Variants in SPTBN4 observed in about 807,000 individuals in gnomAD.
SPTBN4 encodes spectrin beta chain, non-erythrocytic 4.
In SPTBN4, 96 loss-of-function variants were observed where a neutral mutation model predicts 277.8. That is an observed-to-expected ratio of 0.35 (90% CI 0.29 to 0.41). SPTBN4 has a LOEUF of 0.41. SPTBN4 is among the 10% of genes least tolerant of loss of function. SPTBN4 has a pLI of 1.00. For missense variants in SPTBN4, 3,006 were observed against 3,595.7 expected (o/e 0.84, Z 4.19); for synonymous variants, 1,481 against 1,580.3 (o/e 0.94, Z 1.49).
rs2145930878 is a variant in SPTBN4, at chr19:40,554,448, G to T, written c.4953+23G>T. 1 of 1,531,246 alleles carries T rather than the reference G, an allele frequency of 6.5e-7. No individual in the cohort carries two copies. Among genetic ancestry groups the T allele is most frequent in the Non-Finnish European group, 8.8e-7 (1 of 1,135,324 alleles). The allele number at this position is 1,531,246 out of a possible 1,614,324, so 94.9% of individuals were successfully genotyped here. On this transcript the variant is annotated intron_variant, in intron 23 of 35. Transcript: ENST00000598249. The surrounding 1 kb of genome is among the most constrained non-coding windows in gnomAD (Gnocchi z 5.7). Reference sequence around the variant, plus strand: ...AAGGTGCGCCCGAGCTGGGGGTGCGGAGGGCCTGGGGGCGCTGGAGCCGGG... The same window carrying T: ...AAGGTGCGCCCGAGCTGGGGGTGCGTAGGGCCTGGGGGCGCTGGAGCCGGG...
chr19:40,472,919 A>T, intron 2 of SPTBN4, 129 bp downstream of exon 2: 3 of 934,432 alleles, frequency 3.2e-6, no homozygotes, highest in Non-Finnish European at 4.7e-6. Flanking sequence ...TGATGGTGGA[A>T]ATAGTCTATA....
At chr19:40,562,265 T>C (rs6508942) in intron 27 of SPTBN4, among the ~76,000 whole-genome samples, 91,702 of 151,886 alleles carry the variant, frequency 0.6, 28,715 homozygotes, top group African/African-American at 0.68. Context: ...CATGGTGGCT[T>C]ATACCTGTCA....
Position 40,512,732 on chromosome 19 carries a change from C to A in SPTBN4, c.1943C>A (p.Ala648Glu). 6.6e-7 allele frequency: 1 copy of A among 1,522,720 alleles called. No homozygotes were observed. Among genetic ancestry groups the A allele is most frequent in the Non-Finnish European group, 8.8e-7 (1 of 1,142,280 alleles). The allele number at this position is 1,522,720 out of a possible 1,614,324, so 94.3% of individuals were successfully genotyped here. Residue 648 changes from alanine (A) to glutamate (E), a missense_variant, in exon 14 of 36, where the codon GCG (alanine) becomes GAG (glutamate). Coordinates refer to ENST00000598249, the MANE Select transcript of SPTBN4 (RefSeq NM_020971.3). Reference sequence around the variant, plus strand: ...CTGGAGGCTTCGCGGAGCCTGTGGGCGCTGCTGCAGGAGCTGGAGGAGGCC... The same window carrying A: ...CTGGAGGCTTCGCGGAGCCTGTGGGAGCTGCTGCAGGAGCTGGAGGAGGCC... Reference protein sequence around the residue: ...AELEASRSLWALLQELEEAES... With the variant: ...AELEASRSLWELLQELEEAES...
intron 15 of SPTBN4, among the ~76,000 whole-genome samples, chr19:40,516,139 G>A (rs2080457674): frequency 6.7e-6 from 1 of 149,826 alleles, no homozygotes. Flanking sequence ...ATGGGAGGCT[G>A]AGTTGGGAGG....
chr19:40,554,850 C>T lies in SPTBN4; in HGVS notation c.5084+204C>T. 1.4e-6 allele frequency: 1 copy of T among 696,712 alleles called. No homozygotes were observed. The highest frequency in any genetic ancestry group is 2.3e-6 in the Non-Finnish European group (1 of 427,720). The allele number at this position is 696,712 out of a possible 1,614,324, so 43.2% of individuals were successfully genotyped here. ...GGTTGAGAGGGTGGGGCCAGGAGCA[C>T]CTGGATTTGAGTGTAGTAGTGGGGA... On this transcript the variant is annotated intron_variant, in intron 24 of 35. Coordinates refer to ENST00000598249, the MANE Select transcript of SPTBN4 (RefSeq NM_020971.3). This position sits in a 1 kb window ranked among gnomAD's most constrained non-coding sequence, Gnocchi z 5.7.
chr19:40,483,498 A>G (rs571856740), intron 2 of SPTBN4, among the ~76,000 whole-genome samples: 1 of 152,274 alleles, frequency 6.6e-6, no homozygotes, highest in East Asian at 1.9e-4. Context: ...ACTTATCTGT[A>G]TTTTTTAACT....
chr19:40,572,474 C>T, intron 35 of SPTBN4, 94 bp downstream of exon 35: 4 of 1,449,538 alleles, frequency 2.8e-6, no homozygotes, highest in Non-Finnish European at 3.9e-6. Context: ...TGAGAAGGGA[C>T]ACTCACAGGC....
Position 40,490,089 on chromosome 19 carries a change from C to T in SPTBN4, c.336C>T (p.Arg112=), listed in dbSNP as rs1057270954. ...TGTCGCCCTAGCCCAGGCCCACGCG[C>T]GGCCGCATGCGGATCCACTCACTGG... ...LSGEQLPRPT[R]GRMRIHSLEN... Residue 112 remains arginine, a synonymous_variant, in exon 4 of 36, where the codon CGC becomes CGT. Coordinates refer to ENST00000598249, the MANE Select transcript of SPTBN4 (RefSeq NM_020971.3). This position sits in a 1 kb window ranked among gnomAD's most constrained non-coding sequence, Gnocchi z 4.3. 1.2e-5 allele frequency: 20 copies of T among 1,610,768 alleles called. No individual in the cohort carries two copies. The highest frequency in any genetic ancestry group is 1.6e-5 in the Non-Finnish European group (19 of 1,177,902).
intron 22 of SPTBN4, among the ~76,000 whole-genome samples, chr19:40,551,241 T>G (rs962116236): frequency 3.9e-5 from 6 of 151,918 alleles, no homozygotes; most frequent in Non-Finnish European, 8.8e-5. Flanking sequence ...AAACATCGAG[T>G]TAGCCTGGTG....
Position 40,560,227 on chromosome 19 carries a change from C to T in SPTBN4, c.5739C>T (p.Ile1913=), listed in dbSNP as rs766480568. 3 of 1,610,606 alleles carry T rather than the reference C, an allele frequency of 1.9e-6. No individual in the cohort carries two copies. The highest frequency in any genetic ancestry group is 2.5e-6 in the Non-Finnish European group (3 of 1,179,960). The change falls in exon 27 of 36, where the codon ATC becomes ATT. Residue 1913 remains isoleucine (I), a synonymous_variant. Transcript: ENST00000598249. The surrounding 1 kb of genome is among the most constrained non-coding windows in gnomAD (Gnocchi z 5.2). The stretch of plus-strand genomic sequence containing the variant: ...ATGCGGGTGAACATGCCGAGGCCAT[C>T]GCTAGCCGGGAGCAGGAGGTGCTGC... The part of the protein sequence containing the change: ...TVYAGEHAEA[I]ASREQEVLQG...
In SPTBN4 at chr19:40,557,163, C is replaced by T. The variant is rs748005369; in HGVS notation, c.5430C>T (p.Asp1810=). 1.5e-5 allele frequency: 24 copies of T among 1,610,902 alleles called. No individual in the cohort carries two copies. The highest frequency in any genetic ancestry group is 5.0e-5 in the Admixed American group (3 of 59,852). The stretch of plus-strand genomic sequence containing the variant: ...CGGCCACCATGGCCGAGTGGAAGGA[C>T]GGACTGAACGAGGCCTGGGCTGAGC... The part of the protein sequence containing the change: ...TAAATMAEWK[D]GLNEAWAELL... The change falls in exon 26 of 36, where the codon GAC becomes GAT. Residue 1810 remains aspartate (D), a synonymous_variant. Coordinates refer to ENST00000598249, the MANE Select transcript of SPTBN4 (RefSeq NM_020971.3).
rs767590000 is a variant in SPTBN4, at chr19:40,513,562, C to A, written c.2765+8C>A. 1.9e-6 allele frequency: 3 copies of A among 1,548,916 alleles called. No individual in the cohort carries two copies. Among genetic ancestry groups the A allele is most frequent in the East Asian group, 2.4e-5 (1 of 41,762 alleles). The stretch of plus-strand genomic sequence containing the variant: ...CGAGGTGGTGCAGCACCGGTGAGCG[C>A]GCACATGTGGGACTCCGGGGTCCCC... On this transcript the variant is annotated splice_region_variant and intron_variant, in intron 14 of 35. Transcript: ENST00000598249.
At chr19:40,506,920 G>A (rs188303061) in intron 13 of SPTBN4, among the ~76,000 whole-genome samples, 1 of 152,186 alleles carries the variant, frequency 6.6e-6, no homozygotes, top group African/African-American at 2.4e-5. Context: ...GGAATTGGAG[G>A]CTTCAGTGAG....
In SPTBN4 at chr19:40,523,568, A is replaced by G; in HGVS notation, c.3786A>G (p.Ala1262=). The change falls in exon 17 of 36, where the codon GCA becomes GCG. Residue 1262 remains alanine, a synonymous_variant. Transcript: ENST00000598249. Reference sequence around the variant, plus strand: ...AGATGCAGGTGGCCGTGCAGGCTGCAGAGGGCCTGCTGAGGCAGGGCAACA... The same window carrying G: ...AGATGCAGGTGGCCGTGCAGGCTGCGGAGGGCCTGCTGAGGCAGGGCAACA... ...QQKMQVAVQA[A]EGLLRQGNIY... 6.2e-7 allele frequency: 1 copy of G among 1,614,200 alleles called. No individual in the cohort carries two copies. Among genetic ancestry groups the G allele is most frequent in the Non-Finnish European group, 8.5e-7 (1 of 1,180,036 alleles).
At chr19:40,558,952 G>C (rs1354448743) in intron 26 of SPTBN4, among the ~76,000 whole-genome samples, 4 of 103,366 alleles carry the variant, frequency 3.9e-5, no homozygotes, top group Non-Finnish European at 8.2e-5. Flanking sequence ...ATTATTATGA[G>C]GCAGAGTCTC....
At position 40,500,534 on chromosome 19, in the gene SPTBN4, G is replaced by GGGCCCACGCCTATAGT. The variant is rs1433592779; in HGVS notation, c.785-1370_785-1355dup. On this transcript the variant is annotated intron_variant, in intron 7 of 35. Transcript: ENST00000598249. ...TGATAAAGAAGATAGGCATACGGCT[G>GGGCCCACGCCTATAGT]GGCCCACGCCTATAGTGGCCCACGC... 2.6e-5 allele frequency among the ~76,000 whole-genome samples: 4 copies of GGGCCCACGCCTATAGT among 152,304 alleles called. No homozygotes were observed. The East Asian group carries it at 5.8e-4, about 22-fold the overall frequency.
chr19:40,521,635 G>A (rs376156139), intron 16 of SPTBN4, among the ~76,000 whole-genome samples: 13 of 152,050 alleles, frequency 8.5e-5, no homozygotes, highest in African/African-American at 2.4e-4. Context: ...ATGCTCACTC[G>A]CCCCCCCTCC....
intron 1 of SPTBN4, among the ~76,000 whole-genome samples, chr19:40,467,963 T>C (rs1159406399): frequency 6.6e-6 from 1 of 152,114 alleles, no homozygotes; most frequent in Non-Finnish European, 1.5e-5. Flanking sequence ...GAGGAAAAGA[T>C]GAAGAATAAT....
chr19:40,542,349 C>A (rs1251948793), intron 20 of SPTBN4, among the ~76,000 whole-genome samples: 1 of 152,142 alleles, frequency 6.6e-6, no homozygotes, highest in Non-Finnish European at 1.5e-5. Flanking sequence ...ACCCCACCTC[C>A]CAGGTCCTGG....
Sources: gnomAD v4.1 joint callset for allele counts (sites outside exome capture counted in the v4.1 genomes callset) on GRCh38, gnomAD v4.1.1 for gene constraint, Gnocchi (gnomAD v3.1) non-coding constraint, MANE v1.5 for transcripts, NCBI Gene and HGNC (gene_info 2026-07-23, HGNC 2026-07-21) for gene names.